Variants in VWA2 observed in about 807,000 individuals in gnomAD.
VWA2 encodes the protein von Willebrand factor A domain-containing protein 2.
A neutral mutation model predicts 70.4 loss-of-function variants in VWA2; 73 were observed. The ratio of observed to expected loss-of-function variants is 1.04; its 90% CI spans 0.86 to 1.26. The LOEUF (loss-of-function observed/expected upper bound fraction) is 1.26, where lower values mean the gene tolerates loss of function less well. Among genes scored for constraint, VWA2 ranks in the 50% most tolerant of loss-of-function variants. The pLI is 0.00. For synonymous variants in VWA2, 407 were observed against 423.3 expected (o/e 0.96, Z 0.47); for missense variants, 1,011 against 998.5 (o/e 1.01, Z -0.17).
intron 2 of VWA2, among the ~76,000 whole-genome samples, chr10:114,250,806 TC>T (rs1426121024): frequency 6.6e-6 from 1 of 152,194 alleles, no homozygotes; most frequent in Admixed American, 6.5e-5. Flanking sequence ...CTGAAAGAAG[TC>T]TCTGGAGTCC....
rs570723813 is a variant in VWA2 at position 114,278,821 on chromosome 10, C to T, written c.803C>T (p.Ala268Val). 25 of 1,613,272 alleles carry T rather than the reference C, an allele frequency of 1.5e-5. No individual in the cohort carries two copies. Among genetic ancestry groups the T allele is most frequent in the East Asian group, 4.5e-5 (2 of 44,878 alleles). The change falls in exon 8 of 14, where the codon GCG becomes GTG. Residue 268 changes from alanine to valine, a missense_variant. Physicochemically the swap from Ala to Val is moderately conservative, Grantham distance 64 (BLOSUM62 0). Transcript: ENST00000392982. ...PCWRGSRRTL[A>V]VLAAHCPFYS... ...TGGAGAGGATCGCGGCGGACCCTTG[C>T]GGTGCTGGCTGCACACTGTCCCTTC... is the stretch of plus-strand genomic sequence containing the variant.
Position 114,278,740 on chromosome 10 carries a change from CCT to C in VWA2, c.723_724del (p.Cys242Ter). 1 of 1,613,988 alleles carries C rather than the reference CCT, an allele frequency of 6.2e-7. No homozygotes were observed. The highest frequency in any genetic ancestry group is 8.5e-7 in the Non-Finnish European group (1 of 1,180,028). The stretch of plus-strand genomic sequence containing the variant: ...ACAGACTGCAGGGTCGAGGCTCACC[CCT>C]GTGAGCACAGGACGCTGGAGATGGT... On this transcript the variant is annotated frameshift_variant, in exon 8 of 14. Transcript: ENST00000392982. LOFTEE classifies it high-confidence loss of function.
intron 6 of VWA2, among the ~76,000 whole-genome samples, chr10:114,274,143 G>A (rs976633314): frequency 1.3e-5 from 2 of 152,250 alleles, no homozygotes; most frequent in East Asian, 3.8e-4. Flanking sequence ...CGGCCAGGGA[G>A]GGGCGGAAGC....
At chr10:114,249,184 A>T (rs949206578) in intron 2 of VWA2, among the ~76,000 whole-genome samples, 2 of 151,078 alleles carry the variant, frequency 1.3e-5, no homozygotes, top group Non-Finnish European at 3.0e-5. Context: ...CCACCCCACC[A>T]CTCGACAGGC....
At chr10:114,272,979 T>A in intron 6 of VWA2, 45 bp downstream of exon 6, 1 of 1,540,620 alleles carries the variant, frequency 6.5e-7, no homozygotes. Context: ...GTGGTCAGCC[T>A]GGGGATCGTG....
At position 114,290,323 on chromosome 10, in the gene VWA2, TG is replaced by T; in HGVS notation, c.2207del (p.Cys736SerfsTer17). 1 of 1,550,596 alleles carries T rather than the reference TG, an allele frequency of 6.4e-7. No homozygotes were observed. Among genetic ancestry groups the T allele is most frequent in the Non-Finnish European group, 8.7e-7 (1 of 1,146,978 alleles). On this transcript the variant is annotated frameshift_variant, in exon 13 of 14. Coordinates refer to ENST00000392982, the MANE Select transcript of VWA2 (RefSeq NM_001272046.2). LOFTEE classifies it high-confidence loss of function. ...SCVLQNGSYR[C>X]KCRDGWEGPH... ...CGTCCTGCAGAATGGGAGCTACCGC[TG>T]CAAGTGTCGGGATGGCTGGGAGGGC...
chr10:114,289,559 T>A (rs2039343451), intron 12 of VWA2, 70 bp downstream of exon 12: 1 of 1,557,806 alleles, frequency 6.4e-7, no homozygotes, highest in East Asian at 2.3e-5. Context: ...TTCACATACA[T>A]CATGACGAGG....
chr10:114,268,747 T>G (rs1589756760), intron 5 of VWA2, among the ~76,000 whole-genome samples: 1 of 149,756 alleles, frequency 6.7e-6, no homozygotes, highest in Non-Finnish European at 1.5e-5. Flanking sequence ...GAGGCTGGAG[T>G]GCAGTGGCGC....
intron 10 of VWA2, among the ~76,000 whole-genome samples, chr10:114,285,279 G>T (rs548867705): frequency 1.2e-4 from 19 of 152,322 alleles, no homozygotes; most frequent in African/African-American, 4.3e-4. Flanking sequence ...CTGGCTCCCA[G>T]TCCTGGGCAG....
intron 6 of VWA2, among the ~76,000 whole-genome samples, chr10:114,274,447 C>T (rs1006910200): frequency 6.6e-6 from 1 of 152,102 alleles, no homozygotes; most frequent in African/African-American, 2.4e-5. Context: ...TAGAGGGAAG[C>T]AGCTGCAGCC....
In VWA2 at chr10:114,248,696, C is replaced by G. The variant is rs1252829176; in HGVS notation, c.-10-8C>G. 6.2e-7 allele frequency: 1 copy of G among 1,611,206 alleles called. No homozygotes were observed. Among genetic ancestry groups the G allele is most frequent in the Non-Finnish European group, 8.5e-7 (1 of 1,177,600 alleles). ...TGATACTTTCTTTCTTTTCCTGTGT[C>G]CCTGTAGTTATATCAACATGCCCCC... On this transcript the variant is annotated splice_polypyrimidine_tract_variant and splice_region_variant and intron_variant, in intron 1 of 13. Transcript: ENST00000392982.
intron 8 of VWA2, chr10:114,281,847 A>G (rs896372166): frequency 1.4e-6 from 1 of 727,598 alleles, no homozygotes; most frequent in African/African-American, 1.9e-5. Context: ...GGAGGAAAGT[A>G]ACATGTCTGT....
In VWA2 at chr10:114,278,042, C is replaced by G. The variant is rs187454637; in HGVS notation, c.695C>G (p.Thr232Arg). The stretch of plus-strand genomic sequence containing the variant: ...AGCTCGGCCATCTGCTCCAGCGCCA[C>G]GCCAGGTAAGATCTTCCAGCCTGGA... The part of the protein sequence containing the change: ...LSSSAICSSA[T>R]PDCRVEAHPC... The change falls in exon 7 of 14, where the codon ACG (threonine) becomes AGG (arginine). Residue 232 changes from threonine (T) to arginine (R), a missense_variant. Thr to Arg is a moderately conservative substitution (Grantham distance 71, BLOSUM62 -1). Transcript: ENST00000392982. 1.2e-6 allele frequency: 2 copies of G among 1,610,144 alleles called. No homozygotes were observed. The highest frequency in any genetic ancestry group is 1.7e-6 in the Non-Finnish European group (2 of 1,177,214).
At chr10:114,261,337 C>T (rs1379232282) in intron 5 of VWA2, 42 bp downstream of exon 5, 5 of 1,549,588 alleles carry the variant, frequency 3.2e-6, no homozygotes, top group Non-Finnish European at 4.5e-6. Context: ...GTGACGCCAA[C>T]TGCTCTTAAA....
intron 4 of VWA2, among the ~76,000 whole-genome samples, chr10:114,260,389 A>G (rs12773168): frequency 0.26 from 40,093 of 152,014 alleles, 5,834 homozygotes; most frequent in African/African-American, 0.38. Context: ...CCCCCATACT[A>G]GTCGTTTCAG....
At chr10:114,289,771 TCCACAAGC>T in intron 12 of VWA2, 1 of 475,608 alleles carries the variant, frequency 2.1e-6, no homozygotes, top group Non-Finnish European at 3.9e-6. Context: ...TTTTAGAATA[TCCACAAGC>T]TTCCTAAGGG....
In VWA2 at chr10:114,286,220, C is replaced by T. The variant is rs990307965; in HGVS notation, c.1279C>T (p.Arg427Trp). The change falls in exon 11 of 14, where the codon CGG becomes TGG. Residue 427 changes from arginine to tryptophan, a missense_variant. Physicochemically the swap from Arg to Trp is moderately radical, Grantham distance 101. Transcript: ENST00000392982. ...CCCCACCCTGACGGGCAGTGCCTTG[C>T]GGCAGGCGGCAGAGCGTGGCTTCGG... ...GGPTLTGSALRQAAERGFGSA... is the reference protein window; with the variant it reads ...GGPTLTGSALWQAAERGFGSA... 1.7e-5 allele frequency: 27 copies of T among 1,613,480 alleles called. No homozygotes were observed. The highest frequency in any genetic ancestry group is 8.9e-5 in the East Asian group (4 of 44,876).
chr10:114,283,174 G>A (rs1459155907), intron 9 of VWA2, among the ~76,000 whole-genome samples: 2 of 152,206 alleles, frequency 1.3e-5, no homozygotes, highest in African/African-American at 4.8e-5. Flanking sequence ...CCTTCAATGT[G>A]TAGGTGTCAG....
At chr10:114,248,999 G>A (rs1046309956) in intron 2 of VWA2, among the ~76,000 whole-genome samples, 3 of 152,008 alleles carry the variant, frequency 2.0e-5, no homozygotes, top group Non-Finnish European at 4.4e-5. Flanking sequence ...TCCATGCAGT[G>A]GCTATTTCTT....
Sources: gnomAD v4.1 joint callset for allele counts (sites outside exome capture counted in the v4.1 genomes callset) on GRCh38, gnomAD v4.1.1 for gene constraint, MANE v1.5 for transcripts, NCBI Gene and HGNC (gene_info 2026-07-23, HGNC 2026-07-21) for gene names.